DPF3: variants seen among roughly 807,000 people sequenced by gnomAD.
DPF3 encodes double PHD fingers 3.
DPF3 carries 18 observed loss-of-function variants against 56.8 expected under a neutral mutation model. The ratio of observed to expected loss-of-function variants is 0.32; its 90% CI spans 0.22 to 0.47. DPF3 has a LOEUF of 0.47. DPF3 is among the 20% of genes least tolerant of loss of function. The probability of loss-of-function intolerance (pLI) is 1.00; values close to 1 mark genes in which losing one functional copy is unlikely to be tolerated. For synonymous variants in DPF3, 188 were observed against 180.2 expected (o/e 1.04, Z -0.35); for missense variants, 403 against 488.8 (o/e 0.82, Z 1.65).
In DPF3 at chr14:72,618,892, G is replaced by A. The variant is rs1884248500; in HGVS notation, c.*405C>T. Among the ~76,000 whole-genome samples, 2 of 152,314 alleles carry A rather than the reference G, an allele frequency of 1.3e-5. No homozygotes were observed. Among genetic ancestry groups the A allele is most frequent in the South Asian group, 4.1e-4 (2 of 4,828 alleles). ...ACCCTAAGCTGGGGGCACGGGGGCT[G>A]TGCCAAGATTTCTTGGAACACAATA... is the stretch of plus-strand genomic sequence containing the variant. On this transcript the variant is annotated 3_prime_UTR_variant, in exon 11 of 11. Transcript: ENST00000556509.
chr14:72,671,551 AT>A, intron 8 of DPF3: 3 of 752,096 alleles, frequency 4.0e-6, no homozygotes, highest in Non-Finnish European at 7.2e-6. Flanking sequence ...CCGAAAAGGC[AT>A]CATCTCTACC....
intron 1 of DPF3, among the ~76,000 whole-genome samples, chr14:72,824,561 T>TTTG (rs544921224): frequency 7.3e-5 from 11 of 151,384 alleles, no homozygotes; most frequent in African/African-American, 1.5e-4. Context: ...CTTTTTTTTT[T>TTTG]TTTGTTTGTT....
chr14:72,687,477 C>A (rs1887462607), intron 7 of DPF3, among the ~76,000 whole-genome samples: 1 of 152,150 alleles, frequency 6.6e-6, no homozygotes, highest in African/African-American at 2.4e-5. Flanking sequence ...ACTCTGGCTT[C>A]CCACTGTCTA....
chr14:72,784,292 C>T (rs1044937079), intron 1 of DPF3, among the ~76,000 whole-genome samples: 1 of 152,118 alleles, frequency 6.6e-6, no homozygotes, highest in Non-Finnish European at 1.5e-5. Context: ...ACTTAAGTTG[C>T]CTGGTGGTGG....
At chr14:72,863,015 G>A (rs115771566) in intron 1 of DPF3, among the ~76,000 whole-genome samples, 1,489 of 145,796 alleles carry the variant, frequency 0.01, 23 homozygotes, top group African/African-American at 0.036. Context: ...TCCCCATTAG[G>A]GAGGAAAAAT....
At chr14:72,619,463 A>ACT in intron 10 of DPF3, 96 bp from the exon 11 acceptor site, 1 of 1,384,340 alleles carries the variant, frequency 7.2e-7, no homozygotes, top group Non-Finnish European at 9.8e-7. Flanking sequence ...GTTTCCTTTG[A>ACT]ACTTTGGCAA....
intron 7 of DPF3, among the ~76,000 whole-genome samples, chr14:72,692,159 C>T (rs750045309): frequency 3.3e-4 from 50 of 152,204 alleles, no homozygotes; most frequent in Non-Finnish European, 5.7e-4. Context: ...ATATTTTAAA[C>T]GTCTGATCCC....
At chr14:72,731,747 T>G (rs1889658071) in intron 4 of DPF3, 60 bp downstream of exon 4, 1 of 1,601,766 alleles carries the variant, frequency 6.2e-7, no homozygotes. Flanking sequence ...GGTGCTGGAG[T>G]TCTGGAAGCG....
chr14:72,870,574 CTT>C (rs1012484309), intron 1 of DPF3, among the ~76,000 whole-genome samples: 1 of 152,216 alleles, frequency 6.6e-6, no homozygotes, highest in African/African-American at 2.4e-5. Context: ...CTTGAAGACT[CTT>C]TAACACATTT....
chr14:72,673,682 T>C (rs914433175), intron 8 of DPF3, among the ~76,000 whole-genome samples: 4 of 152,234 alleles, frequency 2.6e-5, no homozygotes, highest in African/African-American at 7.2e-5. Context: ...TTTGCCTCAT[T>C]GATCTATCGG....
intron 1 of DPF3, among the ~76,000 whole-genome samples, chr14:72,881,831 T>C (rs1886338297): frequency 6.6e-6 from 1 of 152,100 alleles, no homozygotes; most frequent in African/African-American, 2.4e-5. Flanking sequence ...GCCACTGAGA[T>C]GGCTGTGATG....
chr14:72,632,784 G>GTAT (rs1885243942), intron 8 of DPF3, among the ~76,000 whole-genome samples: 1 of 131,570 alleles, frequency 7.6e-6, no homozygotes, highest in Non-Finnish European at 1.6e-5. Flanking sequence ...GAGGGGAAGG[G>GTAT]GATGGGAAGG....
intron 8 of DPF3, chr14:72,661,751 A>G: frequency 1.0e-6 from 1 of 985,318 alleles, no homozygotes; most frequent in Non-Finnish European, 1.2e-6. Context: ...CTGGAAGCTC[A>G]GGCCCCAGAA....
At chr14:72,825,696 GC>G (rs1883767111) in intron 1 of DPF3, among the ~76,000 whole-genome samples, 1 of 756 alleles carries the variant, frequency 1.3e-3, no homozygotes, top group Non-Finnish European at 4.1e-3. Context: ...GCTCTGCCCA[GC>G]CCAGCCCAGC....
chr14:72,756,880 A>AAGGAAGGAAGGAAG (rs1567222976), intron 2 of DPF3, among the ~76,000 whole-genome samples: 1 of 101,680 alleles, frequency 9.8e-6, no homozygotes, highest in African/African-American at 3.9e-5. Context: ...AAGGAAGGAA[A>AAGGAAGGAAGGAAG]GAAGGAAAGA....
chr14:72,722,210 T>A (rs1391808596), intron 5 of DPF3, among the ~76,000 whole-genome samples: 1 of 151,866 alleles, frequency 6.6e-6, no homozygotes, highest in East Asian at 1.9e-4. Context: ...CAAACACAAA[T>A]CAACAAAAAG....
At chr14:72,811,794 TC>T (rs915327089) in intron 1 of DPF3, among the ~76,000 whole-genome samples, 2 of 152,016 alleles carry the variant, frequency 1.3e-5, no homozygotes, top group African/African-American at 4.8e-5. Flanking sequence ...CTCTTGTAGA[TC>T]CCCCCATCTC....
At chr14:72,670,155 T>C (rs1202204904) in intron 8 of DPF3, 2 of 985,784 alleles carry the variant, frequency 2.0e-6, no homozygotes, top group Admixed American at 6.1e-5. Context: ...TGGGTATTGA[T>C]ACGTTTCTTA....
At chr14:72,653,499 G>A (rs1885976774) in intron 8 of DPF3, among the ~76,000 whole-genome samples, 1 of 152,212 alleles carries the variant, frequency 6.6e-6, no homozygotes, top group South Asian at 2.1e-4. Context: ...CCCTTCTCAG[G>A]TCCTCCAAGA....
Sources: allele counts gnomAD v4.1 joint callset (sites outside exome capture counted in the v4.1 genomes callset), GRCh38; gene constraint gnomAD v4.1.1; transcripts MANE v1.5; gene names NCBI Gene and HGNC (gene_info 2026-07-23, HGNC 2026-07-21).